OSBPL3: variants seen among roughly 807,000 people sequenced by gnomAD.
The protein encoded by OSBPL3 is oxysterol-binding protein-related protein 3.
In OSBPL3, 65 loss-of-function variants were observed where a neutral mutation model predicts 120.1. The observed-to-expected ratio is 0.54, with a 90% CI of 0.44 to 0.67. OSBPL3 has a LOEUF of 0.67. Among genes scored for constraint, OSBPL3 ranks in the 30% least tolerant of loss-of-function variants. The pLI is 0.00. For synonymous variants in OSBPL3, 416 were observed against 402.6 expected, an observed-to-expected ratio of 1.03 and a Z score of -0.40; for missense variants, 1,004 against 1,082.1, an observed-to-expected ratio of 0.93 and a Z score of 1.01.
chr7:24,888,607 T>C lies in OSBPL3; in HGVS notation c.96+3770A>G, dbSNP rs901400417. Among the ~76,000 whole-genome samples the C allele has an allele frequency of 2.0e-5, 3 of 152,296 alleles. No individual in the cohort carries two copies. In the East Asian group the frequency reaches 5.8e-4, roughly 29 times the overall value. On this transcript the variant is annotated intron_variant, in intron 2 of 22. Coordinates refer to ENST00000313367, the MANE Select transcript of OSBPL3 (RefSeq NM_015550.4). The stretch of plus-strand genomic sequence containing the variant: ...CTCCTAGGGTTTTCATGGCCCTAAG[T>C]TGTACATTTTGTCTTAGGTCAGATG...
chr7:24,814,485 A>G (rs1248224224), intron 19 of OSBPL3, among the ~76,000 whole-genome samples: 1 of 152,114 alleles, frequency 6.6e-6, no homozygotes, highest in East Asian at 1.9e-4. Flanking sequence ...CTGGTAAACC[A>G]TACCTAATGT....
At position 24,800,057 on chromosome 7, in the gene OSBPL3, A is replaced by T. The variant is rs1792106590; in HGVS notation, c.*126T>A. Reference sequence around the variant, plus strand: ...GAGGAAAATATAGACTTAAAGAGTTACAATGCTAAGCTAAGCACAAGTGAT... The same window carrying T: ...GAGGAAAATATAGACTTAAAGAGTTTCAATGCTAAGCTAAGCACAAGTGAT... On this transcript the variant is annotated 3_prime_UTR_variant, in exon 23 of 23. Transcript: ENST00000313367. 2 of 535,326 alleles carry T rather than the reference A, an allele frequency of 3.7e-6. No individual in the cohort carries two copies. Among genetic ancestry groups the T allele is most frequent in the Non-Finnish European group, 6.7e-6 (2 of 296,754 alleles). The allele number at this position is 535,326 out of a possible 1,614,324, so 33.2% of individuals were successfully genotyped here.
At chr7:24,823,726 A>T (rs1795381033) in intron 16 of OSBPL3, among the ~76,000 whole-genome samples, 1 of 152,222 alleles carries the variant, frequency 6.6e-6, no homozygotes, top group Non-Finnish European at 1.5e-5. Context: ...TCTGCTGTTA[A>T]TGTCTTCTTC....
chr7:24,833,573 C>G lies in OSBPL3; in HGVS notation c.1746+913G>C, dbSNP rs1265026745. On this transcript the variant is annotated intron_variant, in intron 15 of 22. Coordinates refer to ENST00000313367, the MANE Select transcript of OSBPL3 (RefSeq NM_015550.4). The surrounding 1 kb of genome is among the most constrained non-coding windows in gnomAD (Gnocchi z 4.4). ...ATGGGGAGTGTCGGCAGGGCTAGGT[C>G]TGTGAAGCCGAGGGGGCACTCCAAT... Among the ~76,000 whole-genome samples the G allele has an allele frequency of 6.6e-6, 1 of 152,160 alleles. No homozygotes were observed. The highest frequency in any genetic ancestry group is 1.5e-5 in the Non-Finnish European group (1 of 68,024).
At position 24,867,451 on chromosome 7, in the gene OSBPL3, C is replaced by T. The variant is rs116852964; in HGVS notation, c.382-1214G>A. 2.4e-4 allele frequency among the ~76,000 whole-genome samples: 36 copies of T among 152,246 alleles called. No homozygotes were observed. The East Asian group carries it at 6.9e-3, about 29-fold the overall frequency. Reference sequence around the variant, plus strand: ...GAATTCCCACATTTTGTGGGAGGGACCTGGTCAGTGAGAGGTAACTGGATC... The same window carrying T: ...GAATTCCCACATTTTGTGGGAGGGATCTGGTCAGTGAGAGGTAACTGGATC... On this transcript the variant is annotated intron_variant, in intron 5 of 22. Coordinates refer to ENST00000313367, the MANE Select transcript of OSBPL3 (RefSeq NM_015550.4). This position sits in a 1 kb window ranked among gnomAD's most constrained non-coding sequence, Gnocchi z 4.5.
intron 10 of OSBPL3, among the ~76,000 whole-genome samples, chr7:24,859,867 T>C (rs1800288629): frequency 6.6e-6 from 1 of 152,218 alleles, no homozygotes; most frequent in South Asian, 2.1e-4. Context: ...TATTACGTTT[T>C]TGAAAAAATT....
chr7:24,974,834 T>C (rs1354749701), intron 1 of OSBPL3, among the ~76,000 whole-genome samples: 1 of 152,124 alleles, frequency 6.6e-6, no homozygotes, highest in Non-Finnish European at 1.5e-5. Flanking sequence ...TGGGTGGGGA[T>C]TAGGGGAATG....
Position 24,814,459 on chromosome 7 carries a change from TA to T in OSBPL3, c.2172+599del, listed in dbSNP as rs879840354. On this transcript the variant is annotated intron_variant, in intron 19 of 22. Coordinates refer to ENST00000313367, the MANE Select transcript of OSBPL3 (RefSeq NM_015550.4). ...TCAAAGGAATGATACAGCATGACAT[TA>T]AAAAAAAAAAAAGTCTGGTAAACCA... 3.5e-3 allele frequency among the ~76,000 whole-genome samples: 496 copies of T among 142,072 alleles called. 1 individual carries two copies. Among genetic ancestry groups the T allele is most frequent in the Admixed American group, 3.7e-3 (53 of 14,192 alleles). The allele number at this position is 142,072 out of a possible 152,430, so 93.2% of individuals were successfully genotyped here. A position where few individuals can be genotyped will look rare whatever the true frequency, so the allele number is the denominator to read the frequency against.
At position 24,806,622 on chromosome 7, in the gene OSBPL3, C is replaced by T. The variant is rs1793074954; in HGVS notation, c.2444+154G>A. On this transcript the variant is annotated intron_variant, in intron 21 of 22. Transcript: ENST00000313367. This position sits in a 1 kb window ranked among gnomAD's most constrained non-coding sequence, Gnocchi z 5.2. ...GGATCCTAGTTGGGCCCCATCTCCTCCGTGATACAATTGTTTAAAGCATCC... is the reference window on the plus strand; with the variant it reads ...GGATCCTAGTTGGGCCCCATCTCCTTCGTGATACAATTGTTTAAAGCATCC... 2.0e-5 allele frequency among the ~76,000 whole-genome samples: 3 copies of T among 152,308 alleles called. No homozygotes were observed. The South Asian group carries it at 6.2e-4, about 32-fold the overall frequency.
chr7:24,851,565 TC>T lies in OSBPL3; in HGVS notation c.1158+938del, dbSNP rs890092013. 2.6e-5 allele frequency among the ~76,000 whole-genome samples: 4 copies of T among 152,166 alleles called. No individual in the cohort carries two copies. Among genetic ancestry groups the T allele is most frequent in the African/African-American group, 9.7e-5 (4 of 41,430 alleles). On this transcript the variant is annotated intron_variant, in intron 11 of 22. Transcript: ENST00000313367. The surrounding 1 kb of genome is among the most constrained non-coding windows in gnomAD (Gnocchi z 4.1). ...TGGTTACAAGATCCTAAAATTTATC[TC>T]CCCTACCTGACCTGAAATAGAAAAT...
In OSBPL3 at chr7:24,863,260, T is replaced by G. The variant is rs1243745862; in HGVS notation, c.810A>C (p.Lys270Asn). The change falls in exon 9 of 23, where the codon AAA (lysine) becomes AAC (asparagine). Residue 270 changes from lysine to asparagine, a missense_variant. By Grantham distance (94) the Lys-to-Asn change is moderately conservative. Transcript: ENST00000313367. This position sits in a 1 kb window ranked among gnomAD's most constrained non-coding sequence, Gnocchi z 5.8. ...GGSFESPKKE[K>N]RSHRRWRSRA... ...TGGACCGCCACCTCCTGTGCGATCT[T>G]TTTTCCTTTTTGGGACTTTCAAAAG... The G allele has an allele frequency of 6.2e-7, 1 of 1,614,134 alleles. No homozygotes were observed. Among genetic ancestry groups the G allele is most frequent in the Non-Finnish European group, 8.5e-7 (1 of 1,179,996 alleles).
At position 24,968,834 on chromosome 7, in the gene OSBPL3, CAT is replaced by C. The variant is rs930681809; in HGVS notation, c.-150+11050_-150+11051del. Among the ~76,000 whole-genome samples the C allele has an allele frequency of 3.3e-5, 5 of 152,172 alleles. No individual in the cohort carries two copies. The highest frequency in any genetic ancestry group is 1.2e-4 in the African/African-American group (5 of 41,432). On this transcript the variant is annotated intron_variant, in intron 1 of 22. Coordinates refer to ENST00000313367, the MANE Select transcript of OSBPL3 (RefSeq NM_015550.4). This position sits in a 1 kb window ranked among gnomAD's most constrained non-coding sequence, Gnocchi z 4.6. ...TTTCTTAACTTCACAATAAATCTCA[CAT>C]ATCATTCCATATCAGAAAATGTAGA... is the stretch of plus-strand genomic sequence containing the variant.
Position 24,881,356 on chromosome 7 carries a change from T to C in OSBPL3, c.97-9287A>G, listed in dbSNP as rs753584232. The stretch of plus-strand genomic sequence containing the variant: ...TTACAAATCAAAGAAGGAATGACTT[T>C]AGTGCCAAGTATGTTATAGTCCAGT... On this transcript the variant is annotated intron_variant, in intron 2 of 22. Transcript: ENST00000313367. The surrounding 1 kb of genome is among the most constrained non-coding windows in gnomAD (Gnocchi z 4.3). Among the ~76,000 whole-genome samples the C allele has an allele frequency of 6.6e-6, 1 of 152,208 alleles. No individual in the cohort carries two copies. The highest frequency in any genetic ancestry group is 1.5e-5 in the Non-Finnish European group (1 of 68,034).
Position 24,834,979 on chromosome 7 carries a change from T to A in OSBPL3, c.1496-243A>T, listed in dbSNP as rs1796827722. 6.6e-6 allele frequency among the ~76,000 whole-genome samples: 1 copy of A among 152,208 alleles called. No homozygotes were observed. The highest frequency in any genetic ancestry group is 1.5e-5 in the Non-Finnish European group (1 of 68,042). On this transcript the variant is annotated intron_variant, in intron 14 of 22. Coordinates refer to ENST00000313367, the MANE Select transcript of OSBPL3 (RefSeq NM_015550.4). The surrounding 1 kb of genome is among the most constrained non-coding windows in gnomAD (Gnocchi z 5.2). Reference sequence around the variant, plus strand: ...AGACCTTGAATTGCTCCTCAAAACCTAGTTCCTCATAGCTCATACACACTT... The same window carrying A: ...AGACCTTGAATTGCTCCTCAAAACCAAGTTCCTCATAGCTCATACACACTT...
rs1043076578 is a variant in OSBPL3 at position 24,952,907 on chromosome 7, G to T, written c.-150+26979C>A. Among the ~76,000 whole-genome samples the T allele has an allele frequency of 1.4e-4, 21 of 152,164 alleles. No individual in the cohort carries two copies. The highest frequency in any genetic ancestry group is 4.8e-4 in the African/African-American group (20 of 41,422). ...TCTCAGCACTTTAGGGGGCAGAGGT[G>T]GTAGGATCCCTGGAGCCCAGGAGTT... is the stretch of plus-strand genomic sequence containing the variant. On this transcript the variant is annotated intron_variant, in intron 1 of 22. Transcript: ENST00000313367. The surrounding 1 kb of genome is among the most constrained non-coding windows in gnomAD (Gnocchi z 4.4).
intron 1 of OSBPL3, among the ~76,000 whole-genome samples, chr7:24,958,159 T>C (rs758079956): frequency 1.3e-5 from 2 of 152,294 alleles, no homozygotes; most frequent in South Asian, 2.1e-4. Context: ...TTGTCCTCCA[T>C]AGAGGTTTAG....
In OSBPL3 at chr7:24,933,159, C is replaced by T. The variant is rs1026032535; in HGVS notation, c.-149-40538G>A. ...CTGGGACCCAGCTGAGAGGGGGGTT[C>T]GCTGCTCAAGGTTAAAATGGGGAAT... is the stretch of plus-strand genomic sequence containing the variant. On this transcript the variant is annotated intron_variant, in intron 1 of 22. Coordinates refer to ENST00000313367, the MANE Select transcript of OSBPL3 (RefSeq NM_015550.4). This position sits in a 1 kb window ranked among gnomAD's most constrained non-coding sequence, Gnocchi z 5.1. Among the ~76,000 whole-genome samples, 2 of 152,158 alleles carry T rather than the reference C, an allele frequency of 1.3e-5. No individual in the cohort carries two copies. Among genetic ancestry groups the T allele is most frequent in the African/African-American group, 2.4e-5 (1 of 41,422 alleles).
intron 1 of OSBPL3, among the ~76,000 whole-genome samples, chr7:24,948,200 T>G (rs1813968772): frequency 1.3e-5 from 2 of 152,150 alleles, no homozygotes; most frequent in Non-Finnish European, 2.9e-5. Context: ...AAAAAGAAAG[T>G]CTTAGGAGAA....
rs534490225 is a variant in OSBPL3 at position 24,918,359 on chromosome 7, T to G, written c.-149-25738A>C. 1.8e-4 allele frequency among the ~76,000 whole-genome samples: 27 copies of G among 152,344 alleles called. 1 individual carries two copies. The South Asian group carries it at 5.4e-3, about 30-fold the overall frequency. The stretch of plus-strand genomic sequence containing the variant: ...TCCTCTCCACTTGCTGTTTAAACTT[T>G]ACTACTCACACTCAATCCTTCCTAT... On this transcript the variant is annotated intron_variant, in intron 1 of 22. Coordinates refer to ENST00000313367, the MANE Select transcript of OSBPL3 (RefSeq NM_015550.4). The surrounding 1 kb of genome is among the most constrained non-coding windows in gnomAD (Gnocchi z 4.3).
Sources: gnomAD v4.1 joint callset for allele counts (sites outside exome capture counted in the v4.1 genomes callset) on GRCh38, gnomAD v4.1.1 for gene constraint, Gnocchi (gnomAD v3.1) non-coding constraint, MANE v1.5 for transcripts, NCBI Gene and HGNC (gene_info 2026-07-23, HGNC 2026-07-21) for gene names.